The following TGFA variants were observed in gnomAD, a reference collection of about 807,000 sequenced individuals.
TGFA encodes transforming growth factor alpha, also known as protransforming growth factor alpha.
In TGFA, 12 loss-of-function variants were observed where a neutral mutation model predicts 21.7. The ratio of observed to expected loss-of-function variants is 0.55; its 90% confidence interval spans 0.35 to 0.90. TGFA has a LOEUF of 0.90. TGFA is among the 40% of genes least tolerant of loss of function. The pLI is 0.01. For synonymous variants in TGFA, 79 were observed against 88.1 expected, an observed-to-expected ratio of 0.90 and a Z score of 0.58; for missense variants, 178 against 210.8, an observed-to-expected ratio of 0.84 and a Z score of 0.96.
chr2:70,480,831 G>T (rs1671094597), intron 2 of TGFA, among the ~76,000 whole-genome samples: 1 of 151,008 alleles, frequency 6.6e-6, no homozygotes, highest in South Asian at 2.1e-4. Flanking sequence ...TCTCTCCAAG[G>T]TGTGCCAGGA....
intron 2 of TGFA, among the ~76,000 whole-genome samples, chr2:70,496,416 T>C (rs1553498342): frequency 8.7e-6 from 1 of 114,966 alleles, no homozygotes; most frequent in African/African-American, 3.8e-5. Flanking sequence ...GACAAAAAAT[T>C]TTGAGCCACA....
rs143803045 is a variant in TGFA, at chr2:70,532,078, T to C, written c.41-17166A>G. On this transcript the variant is annotated intron_variant, in intron 1 of 5. Coordinates refer to ENST00000295400, the MANE Select transcript of TGFA (RefSeq NM_003236.4). ...ACACAAGAATATCAACAGCTATTCA[T>C]ACCAATCTATCTACCTCCTTAAAGC... Among the ~76,000 whole-genome samples, 128 of 152,340 alleles carry C rather than the reference T, an allele frequency of 8.4e-4. 1 individual carries two copies. In the East Asian group the frequency reaches 0.023, roughly 28 times the overall value.
At chr2:70,500,315 G>A (rs1671699460) in intron 2 of TGFA, among the ~76,000 whole-genome samples, 1 of 152,160 alleles carries the variant, frequency 6.6e-6, no homozygotes, top group African/African-American at 2.4e-5. Flanking sequence ...CTCTGGTCCA[G>A]ATTTTTAATA....
chr2:70,487,818 C>A (rs1185142646), intron 2 of TGFA, among the ~76,000 whole-genome samples: 2 of 152,100 alleles, frequency 1.3e-5, no homozygotes. Flanking sequence ...TCTTTGTTCA[C>A]GCACATTTAT....
At chr2:70,501,603 C>CT (rs1227801483) in intron 2 of TGFA, among the ~76,000 whole-genome samples, 1 of 152,060 alleles carries the variant, frequency 6.6e-6, no homozygotes, top group East Asian at 1.9e-4. Flanking sequence ...CTCTCTTTTT[C>CT]TTTTTTTGAG....
chr2:70,457,780 G>C (rs978665385), intron 3 of TGFA, among the ~76,000 whole-genome samples: 7 of 152,152 alleles, frequency 4.6e-5, no homozygotes, highest in African/African-American at 1.7e-4. Context: ...GACCTCAGGT[G>C]ATCCACCCAC....
At chr2:70,464,873 C>T (rs1670503693) in intron 3 of TGFA, among the ~76,000 whole-genome samples, 1 of 152,178 alleles carries the variant, frequency 6.6e-6, no homozygotes, top group African/African-American at 2.4e-5. Context: ...AACAACCTCT[C>T]TACTCCCCCT....
At chr2:70,506,979 T>G (rs1475706526) in intron 2 of TGFA, among the ~76,000 whole-genome samples, 1 of 152,200 alleles carries the variant, frequency 6.6e-6, no homozygotes, top group African/African-American at 2.4e-5. Flanking sequence ...GAAGAAGAGT[T>G]TGGATGAATA....
chr2:70,476,109 T>TAAAAAAAAAAAA (rs1670926055), intron 2 of TGFA, among the ~76,000 whole-genome samples: 6 of 78,524 alleles, frequency 7.6e-5, no homozygotes, highest in Non-Finnish European at 1.1e-4. Flanking sequence ...AAAAAAAAAT[T>TAAAAAAAAAAAA]AAGAAAATTA....
chr2:70,518,591 C>T lies in TGFA; in HGVS notation c.41-3679G>A, dbSNP rs1553501901. ...AATGCTCTTAAGAGAGGCTGGACAC[C>T]CCTCTCCCCTGGGCCCCAGAGCAGG... On this transcript the variant is annotated intron_variant, in intron 1 of 5. Transcript: ENST00000295400. 2.6e-5 allele frequency among the ~76,000 whole-genome samples: 4 copies of T among 152,126 alleles called. No homozygotes were observed. The South Asian group carries it at 6.2e-4, about 24-fold the overall frequency.
At chr2:70,460,530 C>T (rs1353365478) in intron 3 of TGFA, among the ~76,000 whole-genome samples, 1 of 152,124 alleles carries the variant, frequency 6.6e-6, no homozygotes, top group Non-Finnish European at 1.5e-5. Flanking sequence ...TCCTTTGCCT[C>T]AGGTAGGCGT....
intron 2 of TGFA, among the ~76,000 whole-genome samples, chr2:70,481,447 A>G (rs781956721): frequency 2.0e-5 from 3 of 152,186 alleles, no homozygotes; most frequent in Non-Finnish European, 2.9e-5. Flanking sequence ...CATCCTTGGA[A>G]GCCACACAGA....
intron 1 of TGFA, among the ~76,000 whole-genome samples, chr2:70,550,156 T>C (rs1673443567): frequency 6.6e-6 from 1 of 152,260 alleles, no homozygotes. Context: ...TATGACATCA[T>C]TCTTTAGGTC....
chr2:70,487,404 A>G (rs375176846), intron 2 of TGFA, among the ~76,000 whole-genome samples: 3 of 152,352 alleles, frequency 2.0e-5, no homozygotes, highest in East Asian at 3.9e-4. Context: ...TATATGAGAT[A>G]TGAGATATCC....
Position 70,465,607 on chromosome 2 carries a change from G to A in TGFA, c.215+9C>T, listed in dbSNP as rs541178236. ...GCCCCAGATCTCCAGGAGAACAGGG[G>A]ATACTTACACACATGCTGGCTTGTC... On this transcript the variant is annotated intron_variant, in intron 3 of 5. Transcript: ENST00000295400. The A allele has an allele frequency of 2.5e-6, 4 of 1,614,080 alleles. No individual in the cohort carries two copies. In the African/African-American group the frequency reaches 5.3e-5, roughly 22 times the overall value.
intron 1 of TGFA, among the ~76,000 whole-genome samples, chr2:70,539,454 T>C (rs1265259575): frequency 6.6e-6 from 1 of 152,178 alleles, no homozygotes; most frequent in Non-Finnish European, 1.5e-5. Context: ...TTAACTTTGA[T>C]ATTTTTGTTT....
intron 2 of TGFA, among the ~76,000 whole-genome samples, chr2:70,473,530 G>A (rs1670821169): frequency 6.6e-6 from 1 of 151,846 alleles, no homozygotes; most frequent in Admixed American, 6.6e-5. Flanking sequence ...ATTTCCTGGG[G>A]CTGTGTGTGC....
chr2:70,451,124 G>A (rs994582515), intron 5 of TGFA, among the ~76,000 whole-genome samples: 6 of 152,170 alleles, frequency 3.9e-5, no homozygotes, highest in Non-Finnish European at 7.4e-5. Flanking sequence ...GAAGGCAGAT[G>A]GGGGGGAGCG....
intron 2 of TGFA, among the ~76,000 whole-genome samples, chr2:70,479,997 C>T (rs1338277662): frequency 1.3e-5 from 2 of 152,290 alleles, no homozygotes; most frequent in Admixed American, 1.3e-4. Flanking sequence ...GATCTGCTTT[C>T]GTGTAGCATC....
Sources: allele counts gnomAD v4.1 joint callset (sites outside exome capture counted in the v4.1 genomes callset), GRCh38; gene constraint gnomAD v4.1.1; transcripts MANE v1.5; gene names NCBI Gene and HGNC (gene_info 2026-07-23, HGNC 2026-07-21).